Variants in FHOD3 observed in about 807,000 individuals in gnomAD.
FHOD3 encodes the protein FH1/FH2 domain-containing protein 3.
Under a neutral mutation model 173.0 loss-of-function variants are expected in FHOD3, and 90 were observed. That is an observed-to-expected ratio of 0.52 (90% CI 0.44 to 0.62). The LOEUF is 0.62. Among genes scored for constraint, FHOD3 ranks in the 20% least tolerant of loss-of-function variants. The pLI is 0.00. For missense variants in FHOD3, 1,945 were observed against 2,034.7 expected (o/e 0.96, Z 0.85); for synonymous variants, 828 against 823.0 (o/e 1.01, Z -0.10).
chr18:36,720,682 T>TTCCTCCTCCCCCTCCTTCTCC, intron 19 of FHOD3, among the ~76,000 whole-genome samples: 1 of 134,070 alleles, frequency 7.5e-6, no homozygotes, highest in Non-Finnish European at 1.6e-5. Flanking sequence ...GGACAGAATA[T>TTCCTCCTCCCCCTCCTTCTCC]TCCTCCTCCC....
At chr18:36,442,922 CTT>C (rs1409132138) in intron 3 of FHOD3, among the ~76,000 whole-genome samples, 1 of 152,130 alleles carries the variant, frequency 6.6e-6, no homozygotes, top group African/African-American at 2.4e-5. Flanking sequence ...ATTTCATGAC[CTT>C]GACTCATATG....
intron 6 of FHOD3, among the ~76,000 whole-genome samples, chr18:36,585,836 C>T (rs1299012972): frequency 1.3e-5 from 2 of 152,200 alleles, no homozygotes; most frequent in African/African-American, 4.8e-5. Flanking sequence ...TCTGGAAGAA[C>T]ATTTAGGGAA....
intron 3 of FHOD3, among the ~76,000 whole-genome samples, chr18:36,493,219 T>C (rs558846152): frequency 4.6e-5 from 7 of 151,320 alleles, no homozygotes; most frequent in Admixed American, 6.6e-5. Context: ...TTTTCTTTTT[T>C]TTTTTTTTTT....
At chr18:36,599,613 G>T (rs1221161117) in intron 7 of FHOD3, among the ~76,000 whole-genome samples, 1 of 152,198 alleles carries the variant, frequency 6.6e-6, no homozygotes, top group Non-Finnish European at 1.5e-5. Context: ...CATGTCTGAG[G>T]CACTGAGCTA....
At position 36,729,145 on chromosome 18, in the gene FHOD3, T is replaced by A. The variant is rs898570397; in HGVS notation, c.3418-1501T>A. ...GTTGAGCTCCCTCAACAACAGAGGG[T>A]GCAGCACACCCCATTACTGTGCTGA... On this transcript the variant is annotated intron_variant, in intron 19 of 28. Coordinates refer to ENST00000590592, the MANE Select transcript of FHOD3 (RefSeq NM_001281740.3). 4.6e-5 allele frequency among the ~76,000 whole-genome samples: 7 copies of A among 152,284 alleles called. No homozygotes were observed. In the South Asian group the frequency reaches 1.5e-3, roughly 32 times the overall value.
chr18:36,556,795 G>A (rs924662051), intron 5 of FHOD3, among the ~76,000 whole-genome samples: 1 of 152,130 alleles, frequency 6.6e-6, no homozygotes, highest in Non-Finnish European at 1.5e-5. Flanking sequence ...CCTTTTTGGA[G>A]GTTTGTATTT....
At chr18:36,737,476 A>C (rs2041694928) in intron 20 of FHOD3, among the ~76,000 whole-genome samples, 1 of 152,242 alleles carries the variant, frequency 6.6e-6, no homozygotes, top group Non-Finnish European at 1.5e-5. Flanking sequence ...CTGCATGAAC[A>C]GGTGGGACAC....
chr18:36,424,754 A>G (rs2050154713), intron 3 of FHOD3, among the ~76,000 whole-genome samples: 2 of 152,242 alleles, frequency 1.3e-5, no homozygotes, highest in Non-Finnish European at 2.9e-5. Flanking sequence ...ACAATTCCAG[A>G]CATAAACAAT....
intron 3 of FHOD3, among the ~76,000 whole-genome samples, chr18:36,448,936 C>T (rs1178672040): frequency 6.6e-6 from 1 of 151,612 alleles, no homozygotes; most frequent in Admixed American, 6.6e-5. Context: ...CCCAGAGCCC[C>T]CCAGTTACCC....
chr18:36,359,134 T>C (rs796688193), intron 2 of FHOD3, among the ~76,000 whole-genome samples: 5 of 152,302 alleles, frequency 3.3e-5, no homozygotes, highest in African/African-American at 1.2e-4. Context: ...TTGATTTCTT[T>C]GTGTCAGTTA....
At chr18:36,359,736 C>T (rs1387369214) in intron 2 of FHOD3, among the ~76,000 whole-genome samples, 2 of 152,164 alleles carry the variant, frequency 1.3e-5, no homozygotes, top group African/African-American at 4.8e-5. Flanking sequence ...CTGTTTGACC[C>T]TGGGGATGTA....
chr18:36,744,024 C>CA lies in FHOD3; in HGVS notation c.3880-4dup, dbSNP rs2042033187. On this transcript the variant is annotated splice_polypyrimidine_tract_variant and splice_region_variant and intron_variant, in intron 22 of 28. Coordinates refer to ENST00000590592, the MANE Select transcript of FHOD3 (RefSeq NM_001281740.3). ...GAAACATGTCTTTTATTGATGTTTG[C>CA]AAAACAGGCCAAAGCGTTTGAGTTA... is the stretch of plus-strand genomic sequence containing the variant. The CA allele has an allele frequency of 1.9e-6, 3 of 1,613,908 alleles. No homozygotes were observed. Among genetic ancestry groups the CA allele is most frequent in the Non-Finnish European group, 2.5e-6 (3 of 1,180,004 alleles).
chr18:36,407,313 C>T (rs1473048958), intron 3 of FHOD3, among the ~76,000 whole-genome samples: 1 of 152,186 alleles, frequency 6.6e-6, no homozygotes, highest in Non-Finnish European at 1.5e-5. Context: ...TCTCTTTTTG[C>T]TCCAGTCTCT....
At chr18:36,594,927 G>A in intron 7 of FHOD3, 29 bp downstream of exon 7, 1 of 1,413,848 alleles carries the variant, frequency 7.1e-7, no homozygotes, top group Non-Finnish European at 1.0e-6. Context: ...CTTATGTCAT[G>A]AAGGTGAAGG....
At chr18:36,480,505 T>C (rs530451693) in intron 3 of FHOD3, among the ~76,000 whole-genome samples, 1 of 152,354 alleles carries the variant, frequency 6.6e-6, no homozygotes, top group East Asian at 1.9e-4. Context: ...GCCTACACCT[T>C]CAAGGGCATT....
chr18:36,378,580 CT>C (rs1413189577), intron 3 of FHOD3, among the ~76,000 whole-genome samples: 6 of 125,700 alleles, frequency 4.8e-5, no homozygotes, highest in African/African-American at 1.9e-4. Flanking sequence ...CCTGTCCCCC[CT>C]GGACCCCTCT....
chr18:36,697,129 A>G (rs561213229), intron 17 of FHOD3, among the ~76,000 whole-genome samples: 6 of 152,358 alleles, frequency 3.9e-5, no homozygotes, highest in Admixed American at 3.3e-4. Flanking sequence ...TGTACCCATA[A>G]GTAAAGTCAA....
intron 20 of FHOD3, among the ~76,000 whole-genome samples, chr18:36,731,327 C>T (rs1031600233): frequency 2.6e-4 from 40 of 152,156 alleles, no homozygotes; most frequent in South Asian, 1.0e-3. Context: ...TGGCTGTGAC[C>T]GCACAGCTGG....
At chr18:36,664,790 G>GAGAC (rs1411618463) in intron 14 of FHOD3, among the ~76,000 whole-genome samples, 4 of 148,038 alleles carry the variant, frequency 2.7e-5, no homozygotes, top group African/African-American at 1.1e-4. Context: ...GAGAGAGAGA[G>GAGAC]AGAGAGAGAG....
Sources: allele counts gnomAD v4.1 joint callset (sites outside exome capture counted in the v4.1 genomes callset), GRCh38; gene constraint gnomAD v4.1.1; transcripts MANE v1.5; gene names NCBI Gene and HGNC (gene_info 2026-07-23, HGNC 2026-07-21).